CSMD1: variants seen among roughly 807,000 people sequenced by gnomAD.
CSMD1 encodes CUB and Sushi multiple domains 1.
In CSMD1, 213 loss-of-function variants were observed where a neutral mutation model predicts 417.5. The ratio of observed to expected loss-of-function variants is 0.51; its 90% confidence interval spans 0.46 to 0.57. The LOEUF (loss-of-function observed/expected upper bound fraction) is 0.57, where lower values mean the gene tolerates loss of function less well. Among genes scored for constraint, CSMD1 ranks in the 20% least tolerant of loss-of-function variants. The pLI, the probability that CSMD1 is intolerant of heterozygous loss-of-function variation, is 0.00. For missense variants in CSMD1, 6,923 were observed against 4,529.7 expected (o/e 1.53, Z -15.17); for synonymous variants, 2,862 against 1,736.8 (o/e 1.65, Z -16.11).
chr8:3,789,239 A>C (rs904721719), intron 5 of CSMD1, among the ~76,000 whole-genome samples: 2 of 152,046 alleles, frequency 1.3e-5, no homozygotes, highest in Non-Finnish European at 2.9e-5. Flanking sequence ...CCAGACACAA[A>C]ATATGCCTTG....
chr8:4,510,551 CCTTCCCT>C (rs1387583744), intron 2 of CSMD1, among the ~76,000 whole-genome samples: 5 of 150,126 alleles, frequency 3.3e-5, no homozygotes, highest in Non-Finnish European at 7.4e-5. Flanking sequence ...AGCAATCTTC[CCTTCCCT>C]CTTCCCTTCC....
chr8:3,779,191 A>G (rs1444819294), intron 5 of CSMD1, among the ~76,000 whole-genome samples: 4 of 148,088 alleles, frequency 2.7e-5, no homozygotes, highest in Non-Finnish European at 1.5e-5. Flanking sequence ...GTGTATGTGC[A>G]GTATTTGAGA....
chr8:4,796,482 A>G (rs917777633), intron 1 of CSMD1, among the ~76,000 whole-genome samples: 3 of 150,428 alleles, frequency 2.0e-5, no homozygotes, highest in African/African-American at 7.3e-5. Context: ...GCTTCTTGAC[A>G]GTTTTACCAC....
chr8:4,007,434 C>G (rs1310797354), intron 4 of CSMD1, among the ~76,000 whole-genome samples: 2 of 152,200 alleles, frequency 1.3e-5, no homozygotes, highest in Admixed American at 6.5e-5. Context: ...GACCACCTGC[C>G]TGAGAAGCAC....
At chr8:3,046,954 G>A (rs1786968466) in intron 50 of CSMD1, among the ~76,000 whole-genome samples, 1 of 152,192 alleles carries the variant, frequency 6.6e-6, no homozygotes, top group Non-Finnish European at 1.5e-5. Flanking sequence ...CGCAGTGGCT[G>A]ATGCCGGCAC....
At chr8:4,025,879 G>A (rs549994098) in intron 4 of CSMD1, among the ~76,000 whole-genome samples, 94 of 151,986 alleles carry the variant, frequency 6.2e-4, no homozygotes, top group African/African-American at 2.1e-3. Context: ...GAACATCACG[G>A]CTACATATAT....
intron 1 of CSMD1, among the ~76,000 whole-genome samples, chr8:4,721,619 T>G (rs1809056709): frequency 6.6e-6 from 1 of 152,200 alleles, no homozygotes; most frequent in South Asian, 2.1e-4. Context: ...GAATATAGAT[T>G]GGTATAGCCA....
intron 21 of CSMD1, among the ~76,000 whole-genome samples, chr8:3,352,920 A>G (rs1808511605): frequency 1.3e-5 from 2 of 152,186 alleles, no homozygotes; most frequent in South Asian, 4.1e-4. Flanking sequence ...AAAAACACAA[A>G]AACACATGGG....
intron 5 of CSMD1, among the ~76,000 whole-genome samples, chr8:3,824,167 T>C (rs1041040432): frequency 1.3e-5 from 2 of 152,086 alleles, no homozygotes; most frequent in African/African-American, 2.4e-5. Context: ...CCAATGGAAA[T>C]ATCTATAGCT....
intron 45 of CSMD1, chr8:3,106,842 C>T (rs1816179919): frequency 1.2e-5 from 5 of 434,080 alleles, no homozygotes; most frequent in East Asian, 7.2e-5. Context: ...TAAGCTTAGC[C>T]GATATTAGTA....
chr8:3,552,925 T>G (rs1563146769), intron 10 of CSMD1, among the ~76,000 whole-genome samples: 1 of 152,188 alleles, frequency 6.6e-6, no homozygotes, highest in Admixed American at 6.5e-5. Flanking sequence ...ATCGGAAATC[T>G]GTTATAATTT....
chr8:3,977,866 G>A (rs1421796785), intron 5 of CSMD1, among the ~76,000 whole-genome samples: 2 of 152,198 alleles, frequency 1.3e-5, no homozygotes, highest in Non-Finnish European at 2.9e-5. Context: ...AAAATAGGCT[G>A]AGAATAAATT....
intron 6 of CSMD1, among the ~76,000 whole-genome samples, chr8:3,748,481 G>A (rs1183071757): frequency 6.6e-6 from 1 of 152,134 alleles, no homozygotes. Context: ...AGGGGAATAG[G>A]AGCACTTGAT....
intron 3 of CSMD1, among the ~76,000 whole-genome samples, chr8:4,399,656 T>C (rs1804514116): frequency 1.3e-5 from 2 of 152,124 alleles, no homozygotes; most frequent in South Asian, 2.1e-4. Flanking sequence ...AATCAGCACA[T>C]ATTGTAGTCT....
At chr8:4,989,418 C>T (rs1348880397) in intron 1 of CSMD1, among the ~76,000 whole-genome samples, 2 of 152,180 alleles carry the variant, frequency 1.3e-5, no homozygotes, top group East Asian at 1.9e-4. Context: ...GGTAATATTT[C>T]CATACAACCC....
At chr8:2,946,124 T>C (rs1002418256) in intron 68 of CSMD1, among the ~76,000 whole-genome samples, 11 of 152,342 alleles carry the variant, frequency 7.2e-5, no homozygotes, top group Non-Finnish European at 1.0e-4. Flanking sequence ...TATGACATTA[T>C]GGCAGCTGTG....
At chr8:4,591,659 G>C (rs575961598) in intron 2 of CSMD1, among the ~76,000 whole-genome samples, 189 of 152,270 alleles carry the variant, frequency 1.2e-3, no homozygotes, top group Non-Finnish European at 2.1e-3. Flanking sequence ...TAAGTATGTA[G>C]GTCAGTGTCA....
At chr8:3,761,275 CAAT>C (rs1482973188) in intron 5 of CSMD1, among the ~76,000 whole-genome samples, 2 of 151,884 alleles carry the variant, frequency 1.3e-5, no homozygotes, top group African/African-American at 2.4e-5. Flanking sequence ...AAAATAAACA[CAAT>C]AATACCCAGA....
chr8:3,635,490 T>C (rs914568225), intron 7 of CSMD1, among the ~76,000 whole-genome samples: 12 of 149,552 alleles, frequency 8.0e-5, no homozygotes, highest in Non-Finnish European at 1.8e-4. Flanking sequence ...TCTCTTTTTT[T>C]TTTTTTTTTT....
Sources: gnomAD v4.1 joint callset for allele counts (sites outside exome capture counted in the v4.1 genomes callset) on GRCh38, gnomAD v4.1.1 for gene constraint, MANE v1.5 for transcripts, NCBI Gene and HGNC (gene_info 2026-07-23, HGNC 2026-07-21) for gene names.